The following BTBD9 variants were observed in gnomAD, a reference collection of about 807,000 sequenced individuals.
The protein encoded by BTBD9 is BTB/POZ domain-containing protein 9.
A neutral mutation model predicts 64.3 loss-of-function variants in BTBD9; 49 were observed. The observed-to-expected ratio is 0.76, with a 90% confidence interval of 0.61 to 0.97. BTBD9 has a LOEUF of 0.97. Ranked by LOEUF, BTBD9 falls within the 50% of genes least tolerant of loss-of-function variation. The pLI, the probability that BTBD9 is intolerant of heterozygous loss-of-function variation, is 0.00. For missense variants in BTBD9, 598 were observed against 762.1 expected, an observed-to-expected ratio of 0.78 and a Z score of 2.53; for synonymous variants, 260 against 274.7, an observed-to-expected ratio of 0.95 and a Z score of 0.53.
At chr6:38,237,586 G>A (rs933384412) in intron 9 of BTBD9, among the ~76,000 whole-genome samples, 6 of 152,158 alleles carry the variant, frequency 3.9e-5, no homozygotes, top group African/African-American at 1.2e-4. Context: ...TCTTGCTTAA[G>A]CCATCTGATA....
intron 10 of BTBD9, among the ~76,000 whole-genome samples, chr6:38,181,708 C>T (rs748412170): frequency 5.3e-5 from 8 of 152,218 alleles, no homozygotes; most frequent in East Asian, 1.9e-4. Flanking sequence ...AGTTAGGGGC[C>T]GGGCATGGTG....
intron 9 of BTBD9, among the ~76,000 whole-genome samples, chr6:38,230,102 T>A (rs772830607): frequency 6.6e-5 from 10 of 152,226 alleles, no homozygotes; most frequent in Non-Finnish European, 1.3e-4. Context: ...TCATCTCTCA[T>A]CTGTGTTAGA....
chr6:38,455,769 C>A (rs961437611), intron 6 of BTBD9, among the ~76,000 whole-genome samples: 1 of 152,262 alleles, frequency 6.6e-6, no homozygotes, highest in African/African-American at 2.4e-5. Context: ...AGTGCAATGG[C>A]GCGATCTCGG....
chr6:38,625,214 C>T (rs1327699903), intron 1 of BTBD9, among the ~76,000 whole-genome samples: 1 of 152,074 alleles, frequency 6.6e-6, no homozygotes, highest in Non-Finnish European at 1.5e-5. Flanking sequence ...AATATTTCAC[C>T]GTTTCACCCC....
At chr6:38,182,089 G>T (rs1228726999) in intron 10 of BTBD9, among the ~76,000 whole-genome samples, 1 of 152,186 alleles carries the variant, frequency 6.6e-6, no homozygotes, top group Non-Finnish European at 1.5e-5. Flanking sequence ...TATTGCTTAG[G>T]GTGATAGGAT....
In BTBD9 at chr6:38,222,548, T is replaced by C. The variant is rs371736515; in HGVS notation, c.1563-29951A>G. On this transcript the variant is annotated intron_variant, in intron 9 of 10. Coordinates refer to ENST00000481247, the MANE Select transcript of BTBD9 (RefSeq NM_001099272.2). ...TGCTAGGATTACAGGCATGAACCACTGCGCCAGACCTTGATTTTAATAATA... is the reference window on the plus strand; with the variant it reads ...TGCTAGGATTACAGGCATGAACCACCGCGCCAGACCTTGATTTTAATAATA... Among the ~76,000 whole-genome samples the C allele has an allele frequency of 9.2e-5, 14 of 152,170 alleles. No individual in the cohort carries two copies. In the East Asian group the frequency reaches 1.4e-3, roughly 15 times the overall value.
At chr6:38,537,129 AT>A (rs1057382035) in intron 6 of BTBD9, among the ~76,000 whole-genome samples, 8 of 152,166 alleles carry the variant, frequency 5.3e-5, no homozygotes, top group African/African-American at 1.9e-4. Context: ...ATTAAAAATA[AT>A]TTTTTTAAAA....
In BTBD9 at chr6:38,288,355, C is replaced by G. The variant is rs1188001291; in HGVS notation, c.1371G>C (p.Trp457Cys). The G allele has an allele frequency of 6.2e-7, 1 of 1,613,974 alleles. No homozygotes were observed. Among genetic ancestry groups the G allele is most frequent in the African/African-American group, 1.3e-5 (1 of 74,898 alleles). ...GCTGGTGACATGTGTAGCCAGAATCCCAGTCATAATTCTTAGTGTCCCCAT... is the reference window on the plus strand; with the variant it reads ...GCTGGTGACATGTGTAGCCAGAATCGCAGTCATAATTCTTAGTGTCCCCAT... ...LLNGDTKNYD[W>C]DSGYTCHQLG... The change falls in exon 8 of 11, where the codon TGG becomes TGC. Residue 457 changes from tryptophan to cysteine, a missense_variant. By Grantham distance (215) the Trp-to-Cys change is radical. Coordinates refer to ENST00000481247, the MANE Select transcript of BTBD9 (RefSeq NM_001099272.2).
At chr6:38,233,112 A>G (rs1435004109) in intron 9 of BTBD9, among the ~76,000 whole-genome samples, 3 of 152,168 alleles carry the variant, frequency 2.0e-5, no homozygotes, top group Non-Finnish European at 4.4e-5. Context: ...ATTAGTTTAA[A>G]TCTCATTTTC....
intron 6 of BTBD9, among the ~76,000 whole-genome samples, chr6:38,352,868 C>A (rs1043813152): frequency 1.3e-5 from 2 of 152,230 alleles, no homozygotes; most frequent in African/African-American, 4.8e-5. Context: ...TGAGCACTTA[C>A]TATGTGGTAG....
In BTBD9 at chr6:38,174,308, TGTGGCCCAA is replaced by T. The variant is rs1419140782; in HGVS notation, c.*668_*676del. ...TTGTGTGCATTTGTGGCACTTCCTC[TGTGGCCCAA>T]GTGCCAGGATGAGCTGCATCCGTGT... On this transcript the variant is annotated 3_prime_UTR_variant, in exon 11 of 11. Transcript: ENST00000481247. The T allele has an allele frequency of 6.6e-6, 1 of 152,264 alleles. No individual in the cohort carries two copies. The highest frequency in any genetic ancestry group is 6.5e-5 in the Admixed American group (1 of 15,286). 9.4% of individuals were successfully genotyped at this position (152,264 alleles called of 1,614,324 possible). A position where few individuals can be genotyped will look rare whatever the true frequency, so the allele number is the denominator to read the frequency against.
chr6:38,363,527 T>C (rs1192157841), intron 6 of BTBD9, among the ~76,000 whole-genome samples: 2 of 152,218 alleles, frequency 1.3e-5, no homozygotes, highest in Non-Finnish European at 2.9e-5. Context: ...TGCAGTGAGC[T>C]ATGATTGATT....
chr6:38,429,455 C>CAAAAAAAA (rs201995368), intron 6 of BTBD9, among the ~76,000 whole-genome samples: 1 of 102,520 alleles, frequency 9.8e-6, no homozygotes, highest in Non-Finnish European at 2.0e-5. Flanking sequence ...GACTACGTCT[C>CAAAAAAAA]AAAAAAAAAA....
chr6:38,564,851 T>G (rs1259408879), intron 6 of BTBD9, among the ~76,000 whole-genome samples: 1 of 151,852 alleles, frequency 6.6e-6, no homozygotes, highest in Admixed American at 6.6e-5. Flanking sequence ...GAGATTGCAC[T>G]GCTGCACTCC....
At chr6:38,530,559 G>A (rs1163107890) in intron 6 of BTBD9, among the ~76,000 whole-genome samples, 1 of 97,860 alleles carries the variant, frequency 1.0e-5, no homozygotes, top group Non-Finnish European at 2.9e-5. Context: ...TCAGCTGGCC[G>A]ACACTTATGG....
rs959852749 is a variant in BTBD9, at chr6:38,596,458, C to T, written c.185+1452G>A. Reference sequence around the variant, plus strand: ...TATTTTTGAAAGAGGACAAGGTACACTGTACTAATAAACAATAAACACAGG... The same window carrying T: ...TATTTTTGAAAGAGGACAAGGTACATTGTACTAATAAACAATAAACACAGG... On this transcript the variant is annotated intron_variant, in intron 2 of 10. Transcript: ENST00000481247. Among the ~76,000 whole-genome samples the T allele has an allele frequency of 3.3e-5, 5 of 152,204 alleles. No homozygotes were observed. In the South Asian group the frequency reaches 1.0e-3, roughly 32 times the overall value.
At chr6:38,405,761 A>C (rs1383956193) in intron 6 of BTBD9, among the ~76,000 whole-genome samples, 1 of 152,242 alleles carries the variant, frequency 6.6e-6, no homozygotes, top group African/African-American at 2.4e-5. Flanking sequence ...CAATGGACTC[A>C]GGAAAGCAGC....
chr6:38,246,068 A>G (rs1764187357), intron 9 of BTBD9, among the ~76,000 whole-genome samples: 1 of 152,126 alleles, frequency 6.6e-6, no homozygotes, highest in Admixed American at 6.5e-5. Context: ...TAACTTCCAA[A>G]TGTTCTGGGT....
chr6:38,593,126 C>T (rs993940386), intron 3 of BTBD9, among the ~76,000 whole-genome samples: 23 of 152,180 alleles, frequency 1.5e-4, no homozygotes, highest in African/African-American at 5.3e-4. Flanking sequence ...AAAAGAAAAA[C>T]GCCAAAGTGA....
Sources: allele counts gnomAD v4.1 joint callset (sites outside exome capture counted in the v4.1 genomes callset), GRCh38; gene constraint gnomAD v4.1.1; transcripts MANE v1.5; gene names NCBI Gene and HGNC (gene_info 2026-07-23, HGNC 2026-07-21).